Variants in RIMS2 observed in about 807,000 individuals in gnomAD.
RIMS2 encodes regulating synaptic membrane exocytosis protein 2.
Under a neutral mutation model 174.4 loss-of-function variants are expected in RIMS2, and 59 were observed. The observed-to-expected ratio is 0.34, with a 90% CI of 0.27 to 0.42. The LOEUF is 0.42. Ranked by LOEUF, RIMS2 falls within the 10% of genes least tolerant of loss-of-function variation. The pLI, the probability that RIMS2 is intolerant of heterozygous loss-of-function variation, is 1.00. For missense variants in RIMS2, 1,620 were observed against 1,666.3 expected, an observed-to-expected ratio of 0.97 and a Z score of 0.48; for synonymous variants, 606 against 572.5, an observed-to-expected ratio of 1.06 and a Z score of -0.84.
At chr8:103,989,123 T>G (rs1277593202) in intron 16 of RIMS2, among the ~76,000 whole-genome samples, 182 bp from the exon 19 acceptor site, 1 of 152,240 alleles carries the variant, frequency 6.6e-6, no homozygotes. Flanking sequence ...AGCAGTAATC[T>G]TACTTAACTG....
intron 2 of RIMS2, among the ~76,000 whole-genome samples, chr8:103,754,447 G>A (rs534023486): frequency 2.6e-5 from 4 of 152,192 alleles, no homozygotes; most frequent in Admixed American, 6.5e-5. Flanking sequence ...TATTAAGTCC[G>A]CTTGGTGCAG....
intron 19 of RIMS2, among the ~76,000 whole-genome samples, chr8:104,229,484 A>T (rs573728214): frequency 6.6e-6 from 1 of 152,314 alleles, no homozygotes; most frequent in South Asian, 2.1e-4. Context: ...ATCATGCTTT[A>T]TGCAAAGATA....
At chr8:103,970,518 G>A (rs947627418) in intron 15 of RIMS2, among the ~76,000 whole-genome samples, 8 of 152,160 alleles carry the variant, frequency 5.3e-5, no homozygotes, top group African/African-American at 1.9e-4. Context: ...GCTCCTGGAG[G>A]TGAGTCTCAC....
intron 1 of RIMS2, among the ~76,000 whole-genome samples, chr8:103,513,154 A>C (rs1827372305): frequency 6.6e-6 from 1 of 152,198 alleles, no homozygotes; most frequent in South Asian, 2.1e-4. Context: ...GCAGTCGGCA[A>C]GTGCTCTGGG....
At chr8:103,548,843 A>G (rs1426738460) in intron 1 of RIMS2, among the ~76,000 whole-genome samples, 1 of 152,202 alleles carries the variant, frequency 6.6e-6, no homozygotes, top group African/African-American at 2.4e-5. Flanking sequence ...AAATCAGTGT[A>G]CAAAAACCAA....
intron 1 of RIMS2, among the ~76,000 whole-genome samples, chr8:103,556,385 T>C (rs930394795): frequency 6.6e-6 from 1 of 152,166 alleles, no homozygotes; most frequent in African/African-American, 2.4e-5. Flanking sequence ...AAATGTAAAA[T>C]GACATACTTT....
intron 1 of RIMS2, among the ~76,000 whole-genome samples, chr8:103,590,219 C>G (rs1588434033): frequency 1.3e-5 from 2 of 151,204 alleles, no homozygotes; most frequent in East Asian, 1.9e-4. Context: ...TACTATGTAT[C>G]CACAAAAATT....
intron 1 of RIMS2, among the ~76,000 whole-genome samples, chr8:103,576,309 G>C (rs1469436924): frequency 6.6e-6 from 1 of 152,092 alleles, no homozygotes; most frequent in Non-Finnish European, 1.5e-5. Flanking sequence ...CCATAAGAAA[G>C]AAAATCAACA....
At chr8:104,032,059 A>G (rs2096406228) in intron 19 of RIMS2, among the ~76,000 whole-genome samples, 1 of 152,054 alleles carries the variant, frequency 6.6e-6, no homozygotes, top group African/African-American at 2.4e-5. Context: ...CACTTTACAT[A>G]TTTGATTATG....
chr8:103,632,567 C>T (rs967276847), intron 1 of RIMS2, among the ~76,000 whole-genome samples: 2 of 151,132 alleles, frequency 1.3e-5, no homozygotes, highest in African/African-American at 2.4e-5. Context: ...CTTACAGGCA[C>T]CTGCCACCAT....
chr8:103,895,005 T>A (rs1415315161), intron 4 of RIMS2, among the ~76,000 whole-genome samples: 1 of 151,632 alleles, frequency 6.6e-6, no homozygotes, highest in Non-Finnish European at 1.5e-5. Flanking sequence ...AAATTAAGTT[T>A]TAAAAATTAA....
chr8:103,719,421 C>T (rs2138354263), intron 2 of RIMS2, among the ~76,000 whole-genome samples: 1 of 152,288 alleles, frequency 6.6e-6, no homozygotes, highest in East Asian at 1.9e-4. Context: ...AGTTGATTTT[C>T]TTCAGAAATG....
At chr8:104,224,484 G>A (rs1470015517) in intron 19 of RIMS2, among the ~76,000 whole-genome samples, 1 of 152,160 alleles carries the variant, frequency 6.6e-6, no homozygotes, top group African/African-American at 2.4e-5. Context: ...AACTAACACT[G>A]AAAATACAAT....
At chr8:103,549,955 G>A (rs1263453051) in intron 1 of RIMS2, among the ~76,000 whole-genome samples, 1 of 152,158 alleles carries the variant, frequency 6.6e-6, no homozygotes, top group Non-Finnish European at 1.5e-5. Context: ...GATTCATAAA[G>A]CAAGTTCTTA....
chr8:103,558,746 C>G (rs1039852071), intron 1 of RIMS2, among the ~76,000 whole-genome samples: 2 of 152,028 alleles, frequency 1.3e-5, no homozygotes, highest in Admixed American at 6.6e-5. Context: ...AGAGAACAAT[C>G]TGAAGGGTGG....
At chr8:104,069,868 A>G (rs548857093) in intron 19 of RIMS2, among the ~76,000 whole-genome samples, 96 of 152,300 alleles carry the variant, frequency 6.3e-4, no homozygotes, top group African/African-American at 2.2e-3. Context: ...GTTCTGATAT[A>G]GCTATTGAAG....
intron 1 of RIMS2, among the ~76,000 whole-genome samples, chr8:103,610,297 G>A (rs1216123253): frequency 6.6e-6 from 1 of 152,104 alleles, no homozygotes; most frequent in Non-Finnish European, 1.5e-5. Flanking sequence ...TTGACTTTCT[G>A]TCTTCCTATT....
At chr8:103,793,128 A>T (rs1196617409) in intron 3 of RIMS2, among the ~76,000 whole-genome samples, 1 of 152,194 alleles carries the variant, frequency 6.6e-6, no homozygotes, top group Non-Finnish European at 1.5e-5. Flanking sequence ...AGACACAATA[A>T]AAAAAGAGAA....
Position 104,086,271 on chromosome 8 carries a change from T to TTG in RIMS2, c.3334+71657_3334+71658insGT, listed in dbSNP as rs201996222. Among the ~76,000 whole-genome samples, 337 of 132,610 alleles carry TTG rather than the reference T, an allele frequency of 2.5e-3. 2 individuals carry two copies. The highest frequency in any genetic ancestry group is 8.5e-3 in the African/African-American group (284 of 33,332). The allele number at this position is 132,610 out of a possible 152,430, so 87.0% of individuals were successfully genotyped here. A position where few individuals can be genotyped will look rare whatever the true frequency, so the allele number is the denominator to read the frequency against. On this transcript the variant is annotated intron_variant, in intron 19 of 23. Transcript: ENST00000504942. ...GGGGAATTTTGTTCTGGTGGGTTTT[T>TTG]TTTTTTTTTTTTTTTTGAGAACAGT... is the stretch of plus-strand genomic sequence containing the variant.
Sources: allele counts gnomAD v4.1 joint callset (sites outside exome capture counted in the v4.1 genomes callset), GRCh38; gene constraint gnomAD v4.1.1; transcripts MANE v1.5; gene names NCBI Gene and HGNC (gene_info 2026-07-23, HGNC 2026-07-21).